WRN: variants seen among roughly 807,000 people sequenced by gnomAD.
WRN encodes WRN RecQ like helicase, also known as bifunctional 3'-5' exonuclease/ATP-dependent helicase WRN.
In WRN, 149 loss-of-function variants were observed where a neutral mutation model predicts 180.7. The ratio of observed to expected loss-of-function variants is 0.82; its 90% CI spans 0.72 to 0.94. The LOEUF (loss-of-function observed/expected upper bound fraction) is 0.94. Among genes scored for constraint, WRN ranks in the 40% least tolerant of loss-of-function variants. The pLI, the probability that WRN is intolerant of heterozygous loss-of-function variation, is 0.00. For missense variants in WRN, 1,661 were observed against 1,700.1 expected (o/e 0.98, Z 0.40); for synonymous variants, 548 against 568.9 (o/e 0.96, Z 0.52).
At chr8:31,048,310 T>G (rs1282849650) in intron 1 of WRN, among the ~76,000 whole-genome samples, 1 of 152,200 alleles carries the variant, frequency 6.6e-6, no homozygotes, top group African/African-American at 2.4e-5. Flanking sequence ...CTTGAAAGCT[T>G]CTTTAATTAG....
At chr8:31,056,872 T>A (rs1238850793) in intron 1 of WRN, among the ~76,000 whole-genome samples, 1 of 152,206 alleles carries the variant, frequency 6.6e-6, no homozygotes, top group African/African-American at 2.4e-5. Flanking sequence ...ATGGACTGTT[T>A]GGTATTTTTC....
chr8:31,139,725 A>G (rs1027591884), intron 24 of WRN, among the ~76,000 whole-genome samples: 88 of 152,340 alleles, frequency 5.8e-4, no homozygotes, highest in African/African-American at 1.8e-3. Flanking sequence ...TCTTATAAAA[A>G]TTAAATACCT....
chr8:31,127,430 T>A (rs889816418), intron 23 of WRN, among the ~76,000 whole-genome samples: 7 of 152,014 alleles, frequency 4.6e-5, no homozygotes, highest in African/African-American at 7.2e-5. Context: ...AAAAATAAAA[T>A]AAAAACAAAT....
At chr8:31,065,505 C>T (rs1281200096) in intron 5 of WRN, among the ~76,000 whole-genome samples, 2 of 152,060 alleles carry the variant, frequency 1.3e-5, no homozygotes, top group South Asian at 4.1e-4. Flanking sequence ...TCTGTTCCTG[C>T]GTTAGTTTGC....
chr8:31,047,341 C>T (rs1409263957), intron 1 of WRN, among the ~76,000 whole-genome samples: 3 of 151,984 alleles, frequency 2.0e-5, no homozygotes, highest in Non-Finnish European at 1.5e-5. Context: ...TAGTATTCGC[C>T]ATGTTGCCTA....
At chr8:31,058,319 A>G in intron 1 of WRN, 53 bp from the exon 2 acceptor site, 1 of 765,270 alleles carries the variant, frequency 1.3e-6, no homozygotes, top group Non-Finnish European at 2.2e-6. Flanking sequence ...GTCATAACTT[A>G]CTTTAAATAT....
chr8:31,112,594 T>C (rs1801361384), intron 19 of WRN, among the ~76,000 whole-genome samples: 1 of 152,076 alleles, frequency 6.6e-6, no homozygotes, highest in Non-Finnish European at 1.5e-5. Flanking sequence ...TAAGCCTTTA[T>C]TTTACTATTT....
Position 31,124,382 on chromosome 8 carries a change from A to T in WRN, c.2631-140A>T, listed in dbSNP as rs1004560710. ...AAGGAATACAACAGAACTTTCTGAGATGCTAGAAATGTTTTTTTATCTTGA... is the reference window on the plus strand; with the variant it reads ...AAGGAATACAACAGAACTTTCTGAGTTGCTAGAAATGTTTTTTTATCTTGA... On this transcript the variant is annotated intron_variant, in intron 21 of 34. Coordinates refer to ENST00000298139, the MANE Select transcript of WRN (RefSeq NM_000553.6). 4.7e-6 allele frequency: 3 copies of T among 637,720 alleles called. No individual in the cohort carries two copies. In the South Asian group the frequency reaches 6.2e-5, roughly 13 times the overall value. The allele number at this position is 637,720 out of a possible 1,614,324, so 39.5% of individuals were successfully genotyped here.
intron 20 of WRN, 109 bp downstream of exon 20, chr8:31,116,637 A>C: frequency 6.9e-7 from 1 of 1,452,656 alleles, no homozygotes; most frequent in Non-Finnish European, 9.5e-7. Flanking sequence ...GTTGAACATA[A>C]AGCAGTCCCT....
intron 28 of WRN, among the ~76,000 whole-genome samples, chr8:31,145,437 G>C (rs148604045): frequency 6.6e-6 from 1 of 152,232 alleles, no homozygotes; most frequent in African/African-American, 2.4e-5. Context: ...TTACAGCATG[G>C]TTTCCTGAAT....
rs932902323 is a variant in WRN, at chr8:31,176,010, G to T, written c.*2908G>T. Among the ~76,000 whole-genome samples, 1 of 152,082 alleles carries T rather than the reference G, an allele frequency of 6.6e-6. No individual in the cohort carries two copies. Among genetic ancestry groups the T allele is most frequent in the Non-Finnish European group, 1.5e-5 (1 of 68,014 alleles). On this transcript the variant is annotated 3_prime_UTR_variant, in exon 35 of 35. Coordinates refer to ENST00000298139, the MANE Select transcript of WRN (RefSeq NM_000553.6). ...TCAGTGATTTTTTTTTAAGAGTATG[G>T]AAGGGTTCTCAGACCTAAGAGATTG...
intron 23 of WRN, among the ~76,000 whole-genome samples, chr8:31,126,673 G>A (rs1239126818): frequency 6.6e-6 from 1 of 152,190 alleles, no homozygotes; most frequent in Non-Finnish European, 1.5e-5. Context: ...TCATACCACT[G>A]CTGTCCAGCC....
At chr8:31,077,323 C>A (rs1394779347) in intron 8 of WRN, among the ~76,000 whole-genome samples, 1 of 152,138 alleles carries the variant, frequency 6.6e-6, no homozygotes, top group African/African-American at 2.4e-5. Flanking sequence ...TCACTGCAAG[C>A]TCCGCCTCCC....
intron 24 of WRN, 98 bp downstream of exon 24, chr8:31,132,604 C>A (rs1802229231): frequency 6.5e-7 from 1 of 1,527,084 alleles, no homozygotes; most frequent in Non-Finnish European, 9.0e-7. Flanking sequence ...GCTTTGACTT[C>A]AGATGGGTGA....
chr8:31,125,169 T>C (rs1050473596), intron 23 of WRN, among the ~76,000 whole-genome samples, 169 bp downstream of exon 23: 17 of 151,854 alleles, frequency 1.1e-4, no homozygotes, highest in African/African-American at 4.1e-4. Context: ...GCTTAAAAAA[T>C]AGATAAAGCA....
In WRN at chr8:31,175,350, G is replaced by A. The variant is rs763360545; in HGVS notation, c.*2248G>A. Among the ~76,000 whole-genome samples, 1 of 152,238 alleles carries A rather than the reference G, an allele frequency of 6.6e-6. No individual in the cohort carries two copies. Among genetic ancestry groups the A allele is most frequent in the East Asian group, 1.9e-4 (1 of 5,166 alleles). ...CTCGGGAGGCTGAGGCAGGAGAATC[G>A]CTTGAACTCAGGAGGCGGAGATTGC... On this transcript the variant is annotated 3_prime_UTR_variant, in exon 35 of 35. Transcript: ENST00000298139.
At chr8:31,085,301 T>G (rs1813487367) in intron 11 of WRN, 55 bp downstream of exon 11, 1 of 1,590,368 alleles carries the variant, frequency 6.3e-7, no homozygotes, top group South Asian at 1.1e-5. Flanking sequence ...GGACATTTAA[T>G]TAAGTAAAAT....
intron 1 of WRN, among the ~76,000 whole-genome samples, chr8:31,042,492 T>TA (rs1811697660): frequency 6.6e-6 from 1 of 152,244 alleles, no homozygotes; most frequent in Non-Finnish European, 1.5e-5. Context: ...ATATTGTAAC[T>TA]AATAGTCAGC....
At chr8:31,111,854 A>T in intron 19 of WRN, 55 bp downstream of exon 19, 1 of 1,531,120 alleles carries the variant, frequency 6.5e-7, no homozygotes, top group Non-Finnish European at 9.0e-7. Context: ...TTTTTTTTTA[A>T]CAACTTATGT....
Sources: gnomAD v4.1 joint callset for allele counts (sites outside exome capture counted in the v4.1 genomes callset) on GRCh38, gnomAD v4.1.1 for gene constraint, MANE v1.5 for transcripts, NCBI Gene and HGNC (gene_info 2026-07-23, HGNC 2026-07-21) for gene names.